Variants in SH3BGR observed in about 807,000 individuals in gnomAD.
The protein encoded by SH3BGR is SH3 domain binding glutamate rich protein, also known as SH3 domain-binding glutamic acid-rich protein.
In SH3BGR, 29 loss-of-function variants were observed where a neutral mutation model predicts 24.5. That is an observed-to-expected ratio of 1.18 (90% CI 0.88 to 1.61). The LOEUF (loss-of-function observed/expected upper bound fraction) is 1.61, where lower values mean the gene tolerates loss of function less well. SH3BGR is among the 40% of genes most tolerant of loss of function. SH3BGR has a pLI of 0.00. For missense variants in SH3BGR, 162 were observed against 205.8 expected, an observed-to-expected ratio of 0.79 and a Z score of 1.30; for synonymous variants, 55 against 65.7, an observed-to-expected ratio of 0.84 and a Z score of 0.79.
At chr21:39,509,383 C>T (rs1417499611) in intron 5 of SH3BGR, among the ~76,000 whole-genome samples, 1 of 151,840 alleles carries the variant, frequency 6.6e-6, no homozygotes, top group African/African-American at 2.4e-5. Context: ...TTTAGGCATC[C>T]TGCATGGTGG....
intron 3 of SH3BGR, among the ~76,000 whole-genome samples, chr21:39,499,560 A>C (rs918307753): frequency 6.6e-6 from 1 of 152,200 alleles, no homozygotes; most frequent in African/African-American, 2.4e-5. Context: ...CATCAGCCTG[A>C]AGTGGGTGAA....
chr21:39,494,038 A>G (rs2078349403), intron 3 of SH3BGR, among the ~76,000 whole-genome samples: 1 of 152,258 alleles, frequency 6.6e-6, no homozygotes, highest in Admixed American at 6.5e-5. Flanking sequence ...TTCTAGGTGT[A>G]TAATATATAT....
intron 3 of SH3BGR, among the ~76,000 whole-genome samples, chr21:39,497,736 C>T (rs1261701331): frequency 6.6e-6 from 1 of 151,966 alleles, no homozygotes; most frequent in African/African-American, 2.4e-5. Flanking sequence ...AAAATATGCC[C>T]TTATTTCCAA....
chr21:39,463,897 A>G (rs35360199), intron 2 of SH3BGR, among the ~76,000 whole-genome samples: 50,757 of 152,104 alleles, frequency 0.33, 8,866 homozygotes, highest in Non-Finnish European at 0.37. Context: ...GTGGCTAAAA[A>G]CAACAGAAAT....
chr21:39,462,428 CT>C lies in SH3BGR; in HGVS notation c.102del (p.Phe34LeufsTer4). ...GTTTTTTGGAAGCGAATAAAATCGACTTTAAGGAATTAGATATTGCTGGAGA... is the reference window on the plus strand; with the variant it reads ...GTTTTTTGGAAGCGAATAAAATCGACTTAAGGAATTAGATATTGCTGGAGA... The part of the protein sequence containing the change: ...VGFLEANKID[F>X]KELDIAGDED... On this transcript the variant is annotated frameshift_variant, in exon 2 of 7. Transcript: ENST00000333634. LOFTEE classifies it high-confidence loss of function. 1 of 1,611,770 alleles carries C rather than the reference CT, an allele frequency of 6.2e-7. No individual in the cohort carries two copies. The highest frequency in any genetic ancestry group is 8.5e-7 in the Non-Finnish European group (1 of 1,179,490).
chr21:39,447,576 C>T (rs370865685), upstream of SH3BGR, among the ~76,000 whole-genome samples: 87 of 151,954 alleles, frequency 5.7e-4, no homozygotes, highest in South Asian at 0.017. Flanking sequence ...TCACAACACC[C>T]GGCTAATTCT....
chr21:39,474,989 T>G lies in SH3BGR; in HGVS notation c.232-146T>G, dbSNP rs561853997. Reference sequence around the variant, plus strand: ...TGGTTAGATTTCTTAACTCTGGAGGTTAGTCATCTTTGATAAAGCAAACTG... The same window carrying G: ...TGGTTAGATTTCTTAACTCTGGAGGGTAGTCATCTTTGATAAAGCAAACTG... On this transcript the variant is annotated intron_variant, in intron 2 of 6. Transcript: ENST00000333634. The G allele has an allele frequency of 1.2e-5, 7 of 581,486 alleles. No individual in the cohort carries two copies. The South Asian group carries it at 1.5e-4, about 13-fold the overall frequency. 36.0% of individuals were successfully genotyped at this position (581,486 alleles called of 1,614,324 possible). A position where few individuals can be genotyped will look rare whatever the true frequency, so the allele number is the denominator to read the frequency against.
At chr21:39,506,598 G>A (rs959964252) in intron 4 of SH3BGR, among the ~76,000 whole-genome samples, 1 of 152,174 alleles carries the variant, frequency 6.6e-6, no homozygotes, top group Non-Finnish European at 1.5e-5. Flanking sequence ...AAACAAGAGG[G>A]CTTGTGCAGG....
At chr21:39,494,838 A>G (rs1248267406) in intron 3 of SH3BGR, among the ~76,000 whole-genome samples, 2 of 152,036 alleles carry the variant, frequency 1.3e-5, no homozygotes, top group African/African-American at 2.4e-5. Context: ...AATTACATAT[A>G]TGTTAAATCT....
intron 3 of SH3BGR, among the ~76,000 whole-genome samples, chr21:39,479,845 G>A (rs2078103368): frequency 6.9e-6 from 1 of 144,460 alleles, no homozygotes; most frequent in Non-Finnish European, 1.5e-5. Context: ...TCCCTTTACT[G>A]CCTTTGAATT....
upstream of SH3BGR, among the ~76,000 whole-genome samples, chr21:39,447,416 C>CTTTTTTTTT (rs910615975): frequency 1.7e-5 from 2 of 114,710 alleles, no homozygotes; most frequent in Non-Finnish European, 3.5e-5. Context: ...TTCGCTTTTG[C>CTTTTTTTTT]TTTTTTTTTT....
chr21:39,507,280 G>T (rs2123539928), intron 4 of SH3BGR, among the ~76,000 whole-genome samples: 2 of 152,290 alleles, frequency 1.3e-5, no homozygotes, highest in East Asian at 3.9e-4. Flanking sequence ...ATGAAGTTGG[G>T]CCAGGAGATG....
intron 2 of SH3BGR, among the ~76,000 whole-genome samples, chr21:39,470,262 C>CTT (rs1004775869): frequency 4.8e-5 from 7 of 145,048 alleles, no homozygotes; most frequent in African/African-American, 1.8e-4. Context: ...TTGTCCCAAA[C>CTT]TTTTTTTTTT....
chr21:39,466,361 A>G (rs1418824505), intron 2 of SH3BGR, among the ~76,000 whole-genome samples: 1 of 152,196 alleles, frequency 6.6e-6, no homozygotes, highest in Admixed American at 6.5e-5. Context: ...TGCTTTTTCT[A>G]TGATTTACCT....
chr21:39,482,149 T>G (rs2078140196), intron 3 of SH3BGR, among the ~76,000 whole-genome samples: 1 of 152,160 alleles, frequency 6.6e-6, no homozygotes, highest in South Asian at 2.1e-4. Flanking sequence ...CAATCCAGTC[T>G]CCAGCTCCAA....
At chr21:39,512,007 C>G (rs2078704727) in intron 6 of SH3BGR, among the ~76,000 whole-genome samples, 198 bp downstream of exon 6, 1 of 152,144 alleles carries the variant, frequency 6.6e-6, no homozygotes, top group Non-Finnish European at 1.5e-5. Flanking sequence ...TTTCGTGGGT[C>G]TGTTTCTTGC....
intron 2 of SH3BGR, among the ~76,000 whole-genome samples, chr21:39,463,521 G>C (rs2077790594): frequency 2.0e-5 from 3 of 152,252 alleles, no homozygotes; most frequent in African/African-American, 7.2e-5. Flanking sequence ...GAATGTCTCA[G>C]CGCCATGCGC....
In SH3BGR at chr21:39,465,786, C is replaced by G. The variant is rs561192229; in HGVS notation, c.231+3226C>G. ...TTTTTATTTTTTGTAGAGATAGGGTCTCACTGTATTTCCCAGGCTGGTCTC... is the reference window on the plus strand; with the variant it reads ...TTTTTATTTTTTGTAGAGATAGGGTGTCACTGTATTTCCCAGGCTGGTCTC... On this transcript the variant is annotated intron_variant, in intron 2 of 6. Transcript: ENST00000333634. 1.3e-3 allele frequency among the ~76,000 whole-genome samples: 204 copies of G among 152,178 alleles called. 2 individuals are homozygous for G. Among genetic ancestry groups the G allele is most frequent in the Non-Finnish European group, 1.8e-4 (12 of 67,994 alleles).
intron 2 of SH3BGR, among the ~76,000 whole-genome samples, chr21:39,462,986 C>T (rs557869620): frequency 1.3e-5 from 2 of 152,240 alleles, no homozygotes; most frequent in East Asian, 1.9e-4. Context: ...TGAGCTCAAG[C>T]GATCCTCTCA....
Sources: gnomAD v4.1 joint callset for allele counts (sites outside exome capture counted in the v4.1 genomes callset) on GRCh38, gnomAD v4.1.1 for gene constraint, MANE v1.5 for transcripts, NCBI Gene and HGNC (gene_info 2026-07-23, HGNC 2026-07-21) for gene names.